VWC2L: variants seen among roughly 807,000 people sequenced by gnomAD.
VWC2L encodes the protein von Willebrand factor C domain containing 2 like.
Under a neutral mutation model 21.6 loss-of-function variants are expected in VWC2L, and 10 were observed. That is an observed-to-expected ratio of 0.46 (90% CI 0.29 to 0.78). VWC2L has a LOEUF of 0.78. Among genes scored for constraint, VWC2L ranks in the 30% least tolerant of loss-of-function variants. VWC2L has a pLI of 0.10. For synonymous variants in VWC2L, 96 were observed against 94.3 expected, an observed-to-expected ratio of 1.02 and a Z score of -0.10; for missense variants, 209 against 277.1, an observed-to-expected ratio of 0.75 and a Z score of 1.74.
At chr2:214,532,386 G>GAA (rs35509246) in intron 3 of VWC2L, among the ~76,000 whole-genome samples, 237 of 151,674 alleles carry the variant, frequency 1.6e-3, no homozygotes, top group Middle Eastern at 3.4e-3. Flanking sequence ...ATGTACTATG[G>GAA]AAAAAAAAGT....
chr2:214,565,554 T>A (rs1690049865), intron 3 of VWC2L, among the ~76,000 whole-genome samples: 1 of 152,202 alleles, frequency 6.6e-6, no homozygotes, highest in Non-Finnish European at 1.5e-5. Flanking sequence ...TAGAAAAGAT[T>A]TCACTGCTAT....
At chr2:214,480,864 C>CAAAAAAAAAAAAAAAAAAAA (rs59720596) in intron 3 of VWC2L, among the ~76,000 whole-genome samples, 1 of 71,746 alleles carries the variant, frequency 1.4e-5, no homozygotes, top group African/African-American at 5.4e-5. Flanking sequence ...TATGCCAAGC[C>CAAAAAAAAAAAAAAAAAAAA]AAAAAAAAAA....
At chr2:214,459,669 C>T (rs1290412874) in intron 3 of VWC2L, among the ~76,000 whole-genome samples, 2 of 152,090 alleles carry the variant, frequency 1.3e-5, no homozygotes, top group Non-Finnish European at 2.9e-5. Context: ...ATGATGAATT[C>T]GTTCTTTTTA....
At chr2:214,458,961 A>T (rs1703094764) in intron 3 of VWC2L, among the ~76,000 whole-genome samples, 1 of 152,132 alleles carries the variant, frequency 6.6e-6, no homozygotes, top group African/African-American at 2.4e-5. Flanking sequence ...GTTTATATCC[A>T]ATGTGTCCTT....
intron 3 of VWC2L, among the ~76,000 whole-genome samples, chr2:214,474,558 G>A (rs756840106): frequency 7.9e-5 from 12 of 152,022 alleles, no homozygotes; most frequent in South Asian, 2.1e-4. Flanking sequence ...GCATAAGTAC[G>A]CCTTTCATTT....
At chr2:214,562,377 T>C (rs1689990061) in intron 3 of VWC2L, among the ~76,000 whole-genome samples, 1 of 152,266 alleles carries the variant, frequency 6.6e-6, no homozygotes, top group South Asian at 2.1e-4. Context: ...CCATATTTTC[T>C]TTATCCAATC....
At chr2:214,564,069 T>C (rs2105931010) in intron 3 of VWC2L, among the ~76,000 whole-genome samples, 1 of 152,202 alleles carries the variant, frequency 6.6e-6, no homozygotes, top group African/African-American at 2.4e-5. Flanking sequence ...CCATTCACAA[T>C]TGCCACAACG....
chr2:214,523,789 C>T (rs1689282486), intron 3 of VWC2L, among the ~76,000 whole-genome samples: 1 of 152,094 alleles, frequency 6.6e-6, no homozygotes, highest in Non-Finnish European at 1.5e-5. Flanking sequence ...GAGCCGAGAT[C>T]GCACCCTTGC....
chr2:214,544,535 G>C (rs916008218), intron 3 of VWC2L, among the ~76,000 whole-genome samples: 1 of 151,966 alleles, frequency 6.6e-6, no homozygotes, highest in South Asian at 2.1e-4. Flanking sequence ...GGACTGGTAC[G>C]CTTGTTACTC....
chr2:214,557,637 C>T (rs1689894108), intron 3 of VWC2L, among the ~76,000 whole-genome samples: 1 of 152,184 alleles, frequency 6.6e-6, no homozygotes, highest in Non-Finnish European at 1.5e-5. Flanking sequence ...CAGTGACTGT[C>T]TCAACCATTT....
intron 2 of VWC2L, among the ~76,000 whole-genome samples, chr2:214,431,824 C>A (rs1200263834): frequency 1.3e-5 from 2 of 152,156 alleles, no homozygotes; most frequent in South Asian, 4.1e-4. Flanking sequence ...TGCATGTACT[C>A]TTGTCCAAAT....
At position 214,411,206 on chromosome 2, in the gene VWC2L, G is replaced by C. The variant is rs1275448823; in HGVS notation, c.-661G>C. 6.6e-6 allele frequency: 1 copy of C among 152,242 alleles called. No homozygotes were observed. The highest frequency in any genetic ancestry group is 1.5e-5 in the Non-Finnish European group (1 of 68,064). The allele number at this position is 152,242 out of a possible 1,614,324, so 9.4% of individuals were successfully genotyped here. A position where few individuals can be genotyped will look rare whatever the true frequency, so the allele number is the denominator to read the frequency against. On this transcript the variant is annotated 5_prime_UTR_variant, in exon 1 of 4. Coordinates refer to ENST00000312504, the MANE Select transcript of VWC2L (RefSeq NM_001080500.4). The stretch of plus-strand genomic sequence containing the variant: ...CTGCTCTTACTGATGCAGAAACCCA[G>C]CTAAAGTTGCTCCTTTCCTTCACAT...
At chr2:214,513,897 C>T (rs1334943664) in intron 3 of VWC2L, among the ~76,000 whole-genome samples, 1 of 152,100 alleles carries the variant, frequency 6.6e-6, no homozygotes, top group Non-Finnish European at 1.5e-5. Flanking sequence ...CAGTAGCAGC[C>T]ATATTGCCCT....
chr2:214,489,583 T>C (rs1351360829), intron 3 of VWC2L, among the ~76,000 whole-genome samples: 2 of 152,196 alleles, frequency 1.3e-5, no homozygotes, highest in African/African-American at 4.8e-5. Context: ...AAGTTTGATG[T>C]TGAGATTTCT....
chr2:214,474,497 A>G (rs1342991338), intron 3 of VWC2L, among the ~76,000 whole-genome samples: 2 of 152,192 alleles, frequency 1.3e-5, no homozygotes, highest in African/African-American at 4.8e-5. Context: ...AAAAATGCAT[A>G]TTTGTAGAGA....
At chr2:214,540,369 G>A (rs1689607128) in intron 3 of VWC2L, among the ~76,000 whole-genome samples, 1 of 152,100 alleles carries the variant, frequency 6.6e-6, no homozygotes, top group South Asian at 2.1e-4. Context: ...GGCAACATAG[G>A]CAAGGTTCTG....
chr2:214,450,061 G>A (rs1318746679), intron 3 of VWC2L, among the ~76,000 whole-genome samples: 2 of 152,192 alleles, frequency 1.3e-5, no homozygotes, highest in Admixed American at 1.3e-4. Context: ...GGGGCAAGAT[G>A]CAGGGCACTG....
chr2:214,418,863 C>T (rs1047182454), intron 2 of VWC2L, among the ~76,000 whole-genome samples: 6 of 152,186 alleles, frequency 3.9e-5, no homozygotes, highest in African/African-American at 9.7e-5. Flanking sequence ...TGCCTATTTT[C>T]GTCCTGCCTT....
chr2:214,454,769 AT>A (rs1268855490), intron 3 of VWC2L, among the ~76,000 whole-genome samples: 1 of 151,050 alleles, frequency 6.6e-6, no homozygotes, highest in Non-Finnish European at 1.5e-5. Context: ...CGCCCGGCTA[AT>A]TTTTTATATT....
Sources: allele counts gnomAD v4.1 joint callset (sites outside exome capture counted in the v4.1 genomes callset), GRCh38; gene constraint gnomAD v4.1.1; transcripts MANE v1.5; gene names NCBI Gene and HGNC (gene_info 2026-07-23, HGNC 2026-07-21).